OR1J2: variants seen among roughly 807,000 people sequenced by gnomAD.
OR1J2 encodes olfactory receptor 1J2.
For missense variants in OR1J2, 304 were observed against 246.1 expected, an observed-to-expected ratio of 1.24 and a Z score of -1.57; for synonymous variants, 142 against 99.7, an observed-to-expected ratio of 1.42 and a Z score of -2.52.
chr9:122,535,326 C>T, the OR1J2 span, among the ~76,000 whole-genome samples: 1 of 152,136 alleles, frequency 6.6e-6, no homozygotes, highest in Admixed American at 6.5e-5. Context: ...GCCGGCGTCC[C>T]TGCGTGGTCT....
chr9:122,493,145 G>A, the OR1J2 span, among the ~76,000 whole-genome samples: 14 of 152,144 alleles, frequency 9.2e-5, no homozygotes, highest in African/African-American at 3.1e-4. Flanking sequence ...TGTTCATCAG[G>A]GATATTGGCC....
At chr9:122,459,775 A>T in the OR1J2 span, among the ~76,000 whole-genome samples, 5 of 152,080 alleles carry the variant, frequency 3.3e-5, no homozygotes, top group African/African-American at 7.2e-5. Flanking sequence ...GTGATTTCTG[A>T]GATTTTGATG....
the OR1J2 span, among the ~76,000 whole-genome samples, chr9:122,546,860 G>A: frequency 1.3e-5 from 2 of 152,038 alleles, no homozygotes; most frequent in East Asian, 1.9e-4. Flanking sequence ...TATTCGGGGG[G>A]TACATAGTGA....
chr9:122,567,415 T>C, the OR1J2 span: 1 of 619,904 alleles, frequency 1.6e-6, no homozygotes, highest in Non-Finnish European at 2.8e-6. Flanking sequence ...TGGATGTAAG[T>C]GCCCACAATA....
chr9:122,538,338 A>G, the OR1J2 span, among the ~76,000 whole-genome samples: 1 of 152,070 alleles, frequency 6.6e-6, no homozygotes, highest in South Asian at 2.1e-4. Context: ...GAAGTCTTTC[A>G]CTTCCTTGGT....
At chr9:122,463,678 G>T in the OR1J2 span, among the ~76,000 whole-genome samples, 5 of 152,158 alleles carry the variant, frequency 3.3e-5, no homozygotes, top group African/African-American at 1.2e-4. Flanking sequence ...GAGCCAAACT[G>T]CAGTGACTGT....
the OR1J2 span, among the ~76,000 whole-genome samples, chr9:122,491,628 T>C: frequency 2.6e-5 from 4 of 152,096 alleles, no homozygotes; most frequent in Non-Finnish European, 5.9e-5. Flanking sequence ...AAACCATTCA[T>C]TGGATTTAGT....
At chr9:122,558,685 T>G in the OR1J2 span, among the ~76,000 whole-genome samples, 38 of 151,950 alleles carry the variant, frequency 2.5e-4, no homozygotes, top group African/African-American at 8.2e-4. Flanking sequence ...TAGATGGATA[T>G]ATGTATAAAT....
At chr9:122,529,655 A>G in the OR1J2 span, among the ~76,000 whole-genome samples, 1 of 152,068 alleles carries the variant, frequency 6.6e-6, no homozygotes, top group East Asian at 1.9e-4. Context: ...CCTTCATCCT[A>G]TCTATGGCCT....
chr9:122,544,170 C>T, the OR1J2 span, among the ~76,000 whole-genome samples: 1 of 151,728 alleles, frequency 6.6e-6, no homozygotes, highest in Non-Finnish European at 1.5e-5. Flanking sequence ...TAAAATTTTA[C>T]TTAGATTAAA....
the OR1J2 span, among the ~76,000 whole-genome samples, chr9:122,486,916 T>C: frequency 1.3e-5 from 2 of 152,174 alleles, no homozygotes; most frequent in Admixed American, 6.5e-5. Context: ...AGCCTTTGCA[T>C]AGATGTATTG....
the OR1J2 span, among the ~76,000 whole-genome samples, chr9:122,478,778 T>TTTTG: frequency 2.7e-4 from 41 of 152,324 alleles, no homozygotes; most frequent in South Asian, 4.4e-3. Context: ...TCTGATCTTT[T>TTTTG]TTTGTTTGTT....
chr9:122,515,352 TTGTGTGTGTGTGTGTGTG>T (rs10651846), downstream of OR1J2, among the ~76,000 whole-genome samples: 1 of 135,814 alleles, frequency 7.4e-6, no homozygotes, highest in South Asian at 2.6e-4. Flanking sequence ...CAGGAGCAGG[TTGTGTGTGTGTGTGTGTG>T]TGTGTGTGTG....
At chr9:122,491,681 A>G in the OR1J2 span, among the ~76,000 whole-genome samples, 12 of 152,312 alleles carry the variant, frequency 7.9e-5, no homozygotes, top group African/African-American at 2.4e-4. Context: ...CAATGCAAAT[A>G]AAAGGTGGGA....
At chr9:122,493,396 A>G in the OR1J2 span, among the ~76,000 whole-genome samples, 5 of 152,110 alleles carry the variant, frequency 3.3e-5, no homozygotes, top group Non-Finnish European at 5.9e-5. Context: ...TTATTGGTCT[A>G]TTCAGAGACT....
At chr9:122,538,797 C>T in the OR1J2 span, among the ~76,000 whole-genome samples, 3 of 152,042 alleles carry the variant, frequency 2.0e-5, no homozygotes, top group Non-Finnish European at 4.4e-5. Context: ...AATCAAATAC[C>T]ACATATTCTC....
chr9:122,534,653 C>T, the OR1J2 span, among the ~76,000 whole-genome samples: 3 of 151,846 alleles, frequency 2.0e-5, no homozygotes, highest in Non-Finnish European at 4.4e-5. Flanking sequence ...GGACCTAGCT[C>T]GGCCTGGCGA....
At chr9:122,474,486 T>C in the OR1J2 span, among the ~76,000 whole-genome samples, 1 of 152,192 alleles carries the variant, frequency 6.6e-6, no homozygotes, top group Non-Finnish European at 1.5e-5. Context: ...CAAACCTGGC[T>C]ACAGGCTAGT....
At chr9:122,476,928 G>A in the OR1J2 span, 8,639 of 968,802 alleles carry the variant, frequency 8.9e-3, 97 homozygotes, top group Middle Eastern at 0.048. Flanking sequence ...GGCTGGTCTC[G>A]AACTCCTGAT....
Sources: gnomAD v4.1 joint callset for allele counts (sites outside exome capture counted in the v4.1 genomes callset) on GRCh38, gnomAD v4.1.1 for gene constraint, MANE v1.5 for transcripts, NCBI Gene and HGNC (gene_info 2026-07-23, HGNC 2026-07-21) for gene names.